RSRC1: variants seen among roughly 807,000 people sequenced by gnomAD.
The protein encoded by RSRC1 is arginine and serine rich coiled-coil 1.
In RSRC1, 39 loss-of-function variants were observed where a neutral mutation model predicts 49.1. The ratio of observed to expected loss-of-function variants is 0.79; its 90% CI spans 0.61 to 1.04. The LOEUF (loss-of-function observed/expected upper bound fraction) is 1.04, where lower values mean the gene tolerates loss of function less well. RSRC1 is among the 50% of genes least tolerant of loss of function. The pLI is 0.00. For missense variants in RSRC1, 388 were observed against 402.4 expected, an observed-to-expected ratio of 0.96 and a Z score of 0.31; for synonymous variants, 143 against 130.8, an observed-to-expected ratio of 1.09 and a Z score of -0.63.
chr3:158,513,743 C>G (rs1740324274), intron 7 of RSRC1, among the ~76,000 whole-genome samples: 1 of 152,220 alleles, frequency 6.6e-6, no homozygotes, highest in Non-Finnish European at 1.5e-5. Flanking sequence ...GTGAATCCAT[C>G]TGGTCCTGGA....
chr3:158,372,351 G>A (rs766442095), intron 6 of RSRC1, among the ~76,000 whole-genome samples: 16 of 151,788 alleles, frequency 1.1e-4, no homozygotes, highest in Non-Finnish European at 1.9e-4. Flanking sequence ...ATGGATTCTG[G>A]TTCTTTGCTT....
intron 3 of RSRC1, among the ~76,000 whole-genome samples, chr3:158,163,588 T>A (rs550165212): frequency 6.6e-6 from 1 of 152,200 alleles, no homozygotes; most frequent in South Asian, 2.1e-4. Context: ...TGTGTTTGGT[T>A]CAGCATTCCA....
intron 3 of RSRC1, among the ~76,000 whole-genome samples, chr3:158,172,185 A>G (rs1339489646): frequency 6.6e-6 from 1 of 152,204 alleles, no homozygotes; most frequent in Non-Finnish European, 1.5e-5. Flanking sequence ...TAAATTTGAT[A>G]AAGTTATACA....
At chr3:158,348,840 A>G (rs1730708194) in intron 5 of RSRC1, among the ~76,000 whole-genome samples, 1 of 152,122 alleles carries the variant, frequency 6.6e-6, no homozygotes, top group Non-Finnish European at 1.5e-5. Context: ...AACATGTGAT[A>G]TTTGACTTTC....
At chr3:158,195,058 C>T (rs1720497280) in intron 3 of RSRC1, among the ~76,000 whole-genome samples, 1 of 152,154 alleles carries the variant, frequency 6.6e-6, no homozygotes, top group Admixed American at 6.6e-5. Context: ...TTCTAGATCC[C>T]TGAGGAATAG....
At chr3:158,494,405 CAGTGAGTGGTG>C (rs1739218302) in intron 7 of RSRC1, among the ~76,000 whole-genome samples, 1 of 152,292 alleles carries the variant, frequency 6.6e-6, no homozygotes, top group South Asian at 2.1e-4. Flanking sequence ...CTAGGCAAGT[CAGTGAGTGGTG>C]AGTGAATTTG....
chr3:158,275,779 T>A (rs558888088), intron 4 of RSRC1: 2 of 484,194 alleles, frequency 4.1e-6, no homozygotes, highest in South Asian at 5.0e-5. Context: ...AATAGTTTAT[T>A]AGGTATGAAT....
chr3:158,365,010 G>C, intron 6 of RSRC1, among the ~76,000 whole-genome samples: 1 of 152,014 alleles, frequency 6.6e-6, no homozygotes, highest in East Asian at 1.9e-4. Context: ...ATGTTAGCTA[G>C]TAGGAGTAGT....
At chr3:158,283,876 G>C in intron 4 of RSRC1, among the ~76,000 whole-genome samples, 1 of 46,392 alleles carries the variant, frequency 2.2e-5, no homozygotes, top group Non-Finnish European at 4.2e-5. Context: ...GTTATCATTT[G>C]TTTTCTTTTT....
intron 7 of RSRC1, among the ~76,000 whole-genome samples, chr3:158,522,902 C>T (rs1162968448): frequency 1.3e-5 from 2 of 152,030 alleles, no homozygotes; most frequent in Non-Finnish European, 1.5e-5. Flanking sequence ...CATTTTCCAG[C>T]CTACACTCAT....
intron 3 of RSRC1, among the ~76,000 whole-genome samples, chr3:158,192,812 G>C (rs1256272520): frequency 6.6e-6 from 1 of 151,986 alleles, no homozygotes; most frequent in African/African-American, 2.4e-5. Context: ...TGGCTGCCGA[G>C]GGTTATCTGT....
chr3:158,544,899 A>G lies in RSRC1; in HGVS notation c.*624A>G, dbSNP rs1366676560. 6.6e-6 allele frequency: 1 copy of G among 152,206 alleles called. No individual in the cohort carries two copies. The highest frequency in any genetic ancestry group is 6.5e-5 in the Admixed American group (1 of 15,282). The allele number at this position is 152,206 out of a possible 1,614,324, so 9.4% of individuals were successfully genotyped here. ...CTCAGCTCATTGTTTTAGAAATCAC[A>G]TGTTCATGCTAGACCTAACCAGTTG... On this transcript the variant is annotated 3_prime_UTR_variant, in exon 10 of 10. Transcript: ENST00000611884.
chr3:158,202,591 A>G (rs1463761616), intron 3 of RSRC1, among the ~76,000 whole-genome samples: 2 of 53,328 alleles, frequency 3.8e-5, no homozygotes, highest in African/African-American at 8.7e-5. Context: ...TGTTTTATCA[A>G]TATTGTAACC....
chr3:158,334,649 T>TTGTGAGTGTGTG (rs1553788489), intron 5 of RSRC1, among the ~76,000 whole-genome samples: 1 of 137,448 alleles, frequency 7.3e-6, no homozygotes, highest in Non-Finnish European at 1.5e-5. Flanking sequence ...CCCAGCTAAT[T>TTGTGAGTGTGTG]TGTGTGTGTG....
intron 4 of RSRC1, chr3:158,275,721 C>G (rs1559972222): frequency 2.6e-6 from 1 of 384,604 alleles, no homozygotes; most frequent in Non-Finnish European, 4.0e-6. Flanking sequence ...AATCTGCAGA[C>G]TAGTTTTAAC....
chr3:158,535,729 C>T (rs1448641708), intron 7 of RSRC1, among the ~76,000 whole-genome samples: 2 of 151,166 alleles, frequency 1.3e-5, no homozygotes, highest in Non-Finnish European at 3.0e-5. Flanking sequence ...AAAAATGAAG[C>T]AATTGAAGCA....
intron 4 of RSRC1, among the ~76,000 whole-genome samples, chr3:158,228,354 G>T (rs1722637500): frequency 6.6e-6 from 1 of 151,922 alleles, no homozygotes; most frequent in South Asian, 2.1e-4. Context: ...CAAAGAATAG[G>T]CAGGTCCTTA....
At chr3:158,146,576 A>G (rs963709366) in intron 3 of RSRC1, among the ~76,000 whole-genome samples, 1 of 152,080 alleles carries the variant, frequency 6.6e-6, no homozygotes, top group Admixed American at 6.5e-5. Context: ...TCAGGGATAT[A>G]GGTCTAAAAT....
chr3:158,423,274 C>G (rs900961846), intron 6 of RSRC1, among the ~76,000 whole-genome samples: 2 of 152,036 alleles, frequency 1.3e-5, no homozygotes, highest in Non-Finnish European at 2.9e-5. Context: ...GGAAGGGATC[C>G]AGTTTCAGCT....
Sources: gnomAD v4.1 joint callset for allele counts (sites outside exome capture counted in the v4.1 genomes callset) on GRCh38, gnomAD v4.1.1 for gene constraint, MANE v1.5 for transcripts, NCBI Gene and HGNC (gene_info 2026-07-23, HGNC 2026-07-21) for gene names.